USH2A: variants seen among roughly 807,000 people sequenced by gnomAD.
The protein encoded by USH2A is Usher syndrome 2A (autosomal recessive, mild).
In USH2A, 443 loss-of-function variants were observed where a neutral mutation model predicts 538.9. That is an observed-to-expected ratio of 0.82 (90% CI 0.76 to 0.89). The LOEUF is 0.89. Ranked by LOEUF, USH2A falls within the 40% of genes least tolerant of loss-of-function variation. The pLI is 0.00. For synonymous variants in USH2A, 2,413 were observed against 2,273.5 expected (o/e 1.06, Z -1.75); for missense variants, 6,633 against 6,324.8 (o/e 1.05, Z -1.65).
chr1:216,277,398 T>C (rs910659393), intron 11 of USH2A, among the ~76,000 whole-genome samples: 3 of 152,110 alleles, frequency 2.0e-5, no homozygotes, highest in African/African-American at 7.2e-5. Context: ...TGATATGTGC[T>C]TTCACAGGTG....
rs12138828 is a variant in USH2A, at chr1:216,231,260, A to T, written c.2993+693T>A. ...TATATATATATATATTATATATATA[A>T]TATATATATATAATATATATACACA... On this transcript the variant is annotated intron_variant, in intron 14 of 71. Transcript: ENST00000307340. 3.9e-4 allele frequency among the ~76,000 whole-genome samples: 35 copies of T among 89,798 alleles called. 1 individual carries two copies. The highest frequency in any genetic ancestry group is 6.9e-4 in the African/African-American group (17 of 24,786). The allele number at this position is 89,798 out of a possible 152,430, so 58.9% of individuals were successfully genotyped here. A position where few individuals can be genotyped will look rare whatever the true frequency, so the allele number is the denominator to read the frequency against.
At chr1:216,147,220 C>A (rs978541668) in intron 21 of USH2A, among the ~76,000 whole-genome samples, 17 of 152,110 alleles carry the variant, frequency 1.1e-4, no homozygotes, top group East Asian at 5.8e-4. Context: ...CCCTTCCTCC[C>A]CAGGTTGTTC....
At chr1:215,875,909 A>ATT (rs1664753391) in intron 43 of USH2A, among the ~76,000 whole-genome samples, 1 of 144,224 alleles carries the variant, frequency 6.9e-6, no homozygotes, top group Non-Finnish European at 1.5e-5. Context: ...TCAATATATA[A>ATT]ATATATAATA....
chr1:215,979,465 G>C (rs1232976181), intron 35 of USH2A, among the ~76,000 whole-genome samples: 1 of 152,164 alleles, frequency 6.6e-6, no homozygotes, highest in Non-Finnish European at 1.5e-5. Context: ...ACAAGATAAA[G>C]TCATATACAG....
chr1:215,912,300 A>G (rs1479605968), intron 38 of USH2A, among the ~76,000 whole-genome samples: 1 of 151,782 alleles, frequency 6.6e-6, no homozygotes, highest in Non-Finnish European at 1.5e-5. Context: ...GATTTTCCCC[A>G]ATGTTTTCTT....
At chr1:215,956,288 G>A (rs1667068045) in intron 37 of USH2A, among the ~76,000 whole-genome samples, 2 of 152,136 alleles carry the variant, frequency 1.3e-5, no homozygotes, top group African/African-American at 4.8e-5. Context: ...CTGCCCCACG[G>A]CTGGCTTATC....
chr1:216,401,797 T>C (rs1429977983), intron 3 of USH2A, among the ~76,000 whole-genome samples: 1 of 152,012 alleles, frequency 6.6e-6, no homozygotes, highest in African/African-American at 2.4e-5. Context: ...TTAACATGCA[T>C]GAAGCAAGAC....
chr1:216,300,299 A>G (rs966240073), intron 9 of USH2A, among the ~76,000 whole-genome samples: 1 of 152,172 alleles, frequency 6.6e-6, no homozygotes, highest in Non-Finnish European at 1.5e-5. Context: ...CCCAATCTCC[A>G]GTTGATCATT....
At chr1:215,786,417 G>C (rs1661803100) in intron 52 of USH2A, among the ~76,000 whole-genome samples, 1 of 152,178 alleles carries the variant, frequency 6.6e-6, no homozygotes, top group African/African-American at 2.4e-5. Flanking sequence ...AAAGGTCACA[G>C]ATATCTCCAC....
intron 35 of USH2A, among the ~76,000 whole-genome samples, chr1:215,977,060 A>C (rs1034556498): frequency 6.6e-6 from 1 of 151,824 alleles, no homozygotes; most frequent in African/African-American, 2.4e-5. Flanking sequence ...AAACAAGCAA[A>C]ACACATCCTC....
intron 58 of USH2A, among the ~76,000 whole-genome samples, chr1:215,745,282 A>G (rs1660439946): frequency 6.6e-6 from 1 of 152,200 alleles, no homozygotes; most frequent in South Asian, 2.1e-4. Flanking sequence ...TTGCAGGTAT[A>G]AATAAGAAAA....
chr1:216,351,155 T>C (rs1325152639), intron 4 of USH2A, among the ~76,000 whole-genome samples: 1 of 152,164 alleles, frequency 6.6e-6, no homozygotes, highest in Admixed American at 6.5e-5. Flanking sequence ...AAAAAAAATC[T>C]TGCTTTCTCT....
chr1:216,222,002 T>C (rs1558326227), intron 14 of USH2A, among the ~76,000 whole-genome samples: 1 of 152,202 alleles, frequency 6.6e-6, no homozygotes, highest in Non-Finnish European at 1.5e-5. Flanking sequence ...AGTGAGCTCC[T>C]TTTAGTTCCA....
At chr1:216,048,757 G>A in intron 30 of USH2A, 110 bp from the exon 31 acceptor site, 1 of 911,004 alleles carries the variant, frequency 1.1e-6, no homozygotes, top group Non-Finnish European at 1.8e-6. Flanking sequence ...CAAAAACAAA[G>A]AGACCAGAGA....
Position 215,675,591 on chromosome 1 carries a change from A to C in USH2A, c.12320T>G (p.Phe4107Cys). Residue 4107 changes from phenylalanine to cysteine, a missense_variant, in exon 63 of 72, where the codon TTC becomes TGC. Physicochemically the swap from Phe to Cys is radical, Grantham distance 205 (BLOSUM62 -2). Coordinates refer to ENST00000307340, the MANE Select transcript of USH2A (RefSeq NM_206933.4). ...ACGATTCAAACCAGAGTACTCCAGG[A>C]ACCCGTCACTGAAGATGTTGTATGT... ...IKTYNIFSDG[F>C]LEYSGLNRQF... The C allele has an allele frequency of 6.2e-7, 1 of 1,614,154 alleles. No homozygotes were observed. The highest frequency in any genetic ancestry group is 8.5e-7 in the Non-Finnish European group (1 of 1,180,024).
intron 3 of USH2A, 101 bp from the exon 4 acceptor site, chr1:216,365,186 A>G: frequency 7.3e-7 from 1 of 1,375,112 alleles, no homozygotes; most frequent in Non-Finnish European, 9.9e-7. Context: ...TTTCTTCTTT[A>G]CTTTGTTCAG....
intron 32 of USH2A, among the ~76,000 whole-genome samples, chr1:216,042,503 T>TAGA (rs779838309): frequency 1.2e-4 from 18 of 152,008 alleles, no homozygotes; most frequent in Non-Finnish European, 2.2e-4. Flanking sequence ...ACATCATGAA[T>TAGA]AGAAGTTCTA....
At position 215,798,914 on chromosome 1, in the gene USH2A, G is replaced by T. The variant is rs1662218351; in HGVS notation, c.9951C>A (p.Arg3317=). 6.2e-7 allele frequency: 1 copy of T among 1,613,862 alleles called. No homozygotes were observed. The highest frequency in any genetic ancestry group is 1.3e-5 in the African/African-American group (1 of 74,892). ...CGGEEGVVYN[R]LPGMFCCGQD... ...TAGACCTGGGCCCCTTACCTGGAAG[G>T]CGATTGTACACCACTCCTTCTTCTC... The change falls in exon 50 of 72, where the codon CGC becomes CGA. Residue 3317 remains arginine, a synonymous_variant. Transcript: ENST00000307340.
At chr1:215,874,445 C>T (rs373085325) in intron 43 of USH2A, among the ~76,000 whole-genome samples, 1 of 152,098 alleles carries the variant, frequency 6.6e-6, no homozygotes, top group African/African-American at 2.4e-5. Flanking sequence ...ATTAAATTAT[C>T]TGGATAATTG....
Sources: allele counts gnomAD v4.1 joint callset (sites outside exome capture counted in the v4.1 genomes callset), GRCh38; gene constraint gnomAD v4.1.1; transcripts MANE v1.5; gene names NCBI Gene and HGNC (gene_info 2026-07-23, HGNC 2026-07-21).